MARCHF6: variants seen among roughly 807,000 people sequenced by gnomAD.
The protein encoded by MARCHF6 is E3 ubiquitin-protein ligase MARCHF6.
Under a neutral mutation model 133.7 loss-of-function variants are expected in MARCHF6, and 31 were observed. The observed-to-expected ratio is 0.23, with a 90% CI of 0.17 to 0.31. The LOEUF is 0.31. Ranked by LOEUF, MARCHF6 falls within the 10% of genes least tolerant of loss-of-function variation. The probability of loss-of-function intolerance (pLI) is 1.00; values close to 1 mark genes in which losing one functional copy is unlikely to be tolerated. For missense variants in MARCHF6, 723 were observed against 1,121.6 expected (o/e 0.64, Z 5.08); for synonymous variants, 395 against 402.5 (o/e 0.98, Z 0.22).
chr5:10,408,215 C>T lies in MARCHF6; in HGVS notation c.1553+1013C>T, dbSNP rs1739025399. Among the ~76,000 whole-genome samples the T allele has an allele frequency of 2.0e-5, 3 of 152,210 alleles. 1 individual carries two copies. In the South Asian group the frequency reaches 6.2e-4, roughly 32 times the overall value. On this transcript the variant is annotated intron_variant, in intron 17 of 25. Coordinates refer to ENST00000274140, the MANE Select transcript of MARCHF6 (RefSeq NM_005885.4). ...CTTCCTCTTGCTCTCCATTCATCCG[C>T]AACACCTCTGCCTCTAGATTTTCTA...
At chr5:10,401,415 G>A (rs1284962017) in intron 11 of MARCHF6, 2 of 153,378 alleles carry the variant, frequency 1.3e-5, no homozygotes, top group African/African-American at 4.8e-5. Flanking sequence ...GAGAGATCAC[G>A]TTCTGAAGTC....
At chr5:10,403,598 A>C in intron 15 of MARCHF6, 57 bp downstream of exon 15, 6 of 1,487,042 alleles carry the variant, frequency 4.0e-6, no homozygotes, top group Non-Finnish European at 5.5e-6. Context: ...TTTTGCTTTC[A>C]CCACCAGTCA....
At chr5:10,397,191 G>C in intron 9 of MARCHF6, 102 bp from the exon 10 acceptor site, 1 of 749,484 alleles carries the variant, frequency 1.3e-6, no homozygotes. Context: ...TTCAATCTTA[G>C]CTGTTTTTAC....
At chr5:10,353,940 C>T (rs1422070633) in intron 1 of MARCHF6, 23 bp downstream of exon 1, 19 of 1,544,426 alleles carry the variant, frequency 1.2e-5, no homozygotes, top group Admixed American at 1.9e-5. Flanking sequence ...CGCGCGGCGC[C>T]CGAGCCCTTG....
chr5:10,431,616 AGAGT>A (rs1366936440), intron 25 of MARCHF6, among the ~76,000 whole-genome samples: 14 of 136,246 alleles, frequency 1.0e-4, no homozygotes, highest in South Asian at 2.8e-4. Context: ...GGAGGTGCTA[AGAGT>A]GAGTGAGTGT....
intron 10 of MARCHF6, among the ~76,000 whole-genome samples, chr5:10,399,949 C>T (rs1355347452): frequency 6.6e-5 from 10 of 152,058 alleles, no homozygotes; most frequent in African/African-American, 2.4e-5. Context: ...CCTTTGTCTC[C>T]CATATTTCTC....
At chr5:10,412,998 G>A (rs1739314357) in intron 19 of MARCHF6, among the ~76,000 whole-genome samples, 1 of 152,212 alleles carries the variant, frequency 6.6e-6, no homozygotes, top group South Asian at 2.1e-4. Context: ...GAGGAGTGGT[G>A]GGAGATAACG....
intron 21 of MARCHF6, among the ~76,000 whole-genome samples, chr5:10,416,020 A>G (rs1008050811): frequency 6.6e-6 from 1 of 152,210 alleles, no homozygotes. Context: ...TTTAAAAAGT[A>G]TATGTATATA....
rs562532746 is a variant in MARCHF6, at chr5:10,437,997, A to T, written c.*4313A>T. The T allele has an allele frequency of 6.5e-6, 1 of 152,912 alleles. No individual in the cohort carries two copies. The highest frequency in any genetic ancestry group is 1.9e-4 in the East Asian group (1 of 5,186). 9.5% of individuals were successfully genotyped at this position (152,912 alleles called of 1,614,324 possible). A position where few individuals can be genotyped will look rare whatever the true frequency, so the allele number is the denominator to read the frequency against. ...AATGTGACTGTGGCGACTCCCTTTT[A>T]TGTATACATTTAAATGCATAGTTGC... On this transcript the variant is annotated 3_prime_UTR_variant, in exon 26 of 26. Coordinates refer to ENST00000274140, the MANE Select transcript of MARCHF6 (RefSeq NM_005885.4).
chr5:10,375,730 C>T (rs956461942), intron 1 of MARCHF6, among the ~76,000 whole-genome samples: 2 of 152,246 alleles, frequency 1.3e-5, no homozygotes, highest in African/African-American at 4.8e-5. Flanking sequence ...CCAGTTGACA[C>T]TCTGTATCTA....
chr5:10,353,763 C>A lies in MARCHF6; in HGVS notation c.-136C>A. On this transcript the variant is annotated 5_prime_UTR_variant, in exon 1 of 26. Transcript: ENST00000274140. ...CTCTCTCCCTCTCCCTCTCCCCTCT[C>A]CTTCCTCTCGCTTCCTCTCTCGCAC... 3.0e-6 allele frequency: 2 copies of A among 671,752 alleles called. No individual in the cohort carries two copies. The highest frequency in any genetic ancestry group is 5.1e-6 in the Non-Finnish European group (2 of 396,012). 41.6% of individuals were successfully genotyped at this position (671,752 alleles called of 1,614,324 possible).
chr5:10,426,239 T>C, intron 23 of MARCHF6, 151 bp from the exon 24 acceptor site: 1 of 774,490 alleles, frequency 1.3e-6, no homozygotes, highest in South Asian at 1.7e-5. Context: ...ACTATGCTTA[T>C]GTTGATATAC....
intron 10 of MARCHF6, 118 bp downstream of exon 10, chr5:10,397,462 A>C: frequency 2.8e-6 from 2 of 722,666 alleles, no homozygotes; most frequent in Non-Finnish European, 2.1e-6. Flanking sequence ...TAAGCAGTAT[A>C]TGAAAATAGT....
rs549845065 is a variant in MARCHF6, at chr5:10,415,751, G to T, written c.2148+82G>T. 2.7e-4 allele frequency: 317 copies of T among 1,192,960 alleles called. No individual in the cohort carries two copies. The African/African-American group carries it at 4.2e-3, about 16-fold the overall frequency. 73.9% of individuals were successfully genotyped at this position (1,192,960 alleles called of 1,614,324 possible). ...CAGTCATCTTAAATTTTTTTTTTTG[G>T]CACATTTATTTCCTTACTATATTGT... On this transcript the variant is annotated intron_variant, in intron 21 of 25. Coordinates refer to ENST00000274140, the MANE Select transcript of MARCHF6 (RefSeq NM_005885.4).
intron 13 of MARCHF6, 24 bp downstream of exon 13, chr5:10,402,476 T>C: frequency 6.2e-7 from 1 of 1,613,084 alleles, no homozygotes; most frequent in Non-Finnish European, 8.5e-7. Context: ...TAACTTAAAA[T>C]TGGAAATGAT....
intron 1 of MARCHF6, among the ~76,000 whole-genome samples, chr5:10,357,981 T>C (rs957899900): frequency 6.6e-6 from 1 of 150,914 alleles, no homozygotes; most frequent in Non-Finnish European, 1.5e-5. Context: ...TTTTTTTTTT[T>C]TTTTGAGACG....
intron 1 of MARCHF6, chr5:10,354,595 C>T (rs1433330996): frequency 6.6e-6 from 1 of 152,156 alleles, no homozygotes; most frequent in Non-Finnish European, 1.5e-5. Context: ...AACAAACTGA[C>T]CCTTGTAAAA....
At chr5:10,401,394 A>G (rs1458293176) in intron 11 of MARCHF6, 2 of 153,712 alleles carry the variant, frequency 1.3e-5, no homozygotes, top group African/African-American at 4.8e-5. Context: ...CAGTTTGTAT[A>G]TTTGAGATCT....
chr5:10,417,430 TATTTC>T (rs778824416), intron 22 of MARCHF6, 26 bp downstream of exon 22: 3 of 1,612,498 alleles, frequency 1.9e-6, no homozygotes, highest in Non-Finnish European at 2.5e-6. Context: ...TTGCTCATGT[TATTTC>T]ATTAAGGATT....
Sources: gnomAD v4.1 joint callset for allele counts (sites outside exome capture counted in the v4.1 genomes callset) on GRCh38, gnomAD v4.1.1 for gene constraint, MANE v1.5 for transcripts, NCBI Gene and HGNC (gene_info 2026-07-23, HGNC 2026-07-21) for gene names.